RPL7: variants seen among roughly 807,000 people sequenced by gnomAD.
RPL7 encodes large ribosomal subunit protein uL30.
For synonymous variants in RPL7, 100 were observed against 102.2 expected, an observed-to-expected ratio of 0.98 and a Z score of 0.13; for missense variants, 205 against 301.9, an observed-to-expected ratio of 0.68 and a Z score of 2.38.
chr8:73,293,657 A>G (rs775979784), upstream of RPL7: 12 of 1,611,552 alleles, frequency 7.4e-6, no homozygotes, highest in Non-Finnish European at 9.3e-6. Context: ...CGTACTGTCC[A>G]CTTAAAGACT....
Position 73,291,182 on chromosome 8 carries a change from C to T in RPL7, c.609G>A (p.Glu203=). 1.2e-6 allele frequency: 2 copies of T among 1,609,232 alleles called. No individual in the cohort carries two copies. The highest frequency in any genetic ancestry group is 1.7e-6 in the Non-Finnish European group (2 of 1,175,788). The change falls in exon 6 of 7, where the codon GAG becomes GAA. Residue 203 remains glutamate, a synonymous_variant. Coordinates refer to ENST00000352983, the MANE Select transcript of RPL7 (RefSeq NM_000971.4). ...EIYTVGKRFK[E]ANNFLWPFKL... is the part of the protein sequence containing the mutation. ...TGAAGGGCCACAGGAAGTTATTTGCCTCTTTGAAGCGTTTTCCAACAGTAT... is the reference window on the plus strand; with the variant it reads ...TGAAGGGCCACAGGAAGTTATTTGCTTCTTTGAAGCGTTTTCCAACAGTAT...
At position 73,291,205 on chromosome 8, in the gene RPL7, T is replaced by C; in HGVS notation, c.586A>G (p.Thr196Ala). The change falls in exon 6 of 7, where the codon ACT (threonine) becomes GCT (alanine). Residue 196 changes from threonine to alanine, a missense_variant. Physicochemically the swap from Thr to Ala is moderately conservative, Grantham distance 58. Transcript: ENST00000352983. Reference protein sequence around the residue: ...CMEDLIHEIYTVGKRFKEANN... With the variant: ...CMEDLIHEIYAVGKRFKEANN... ...GCCTCTTTGAAGCGTTTTCCAACAG[T>C]ATAGATCTCATGAATCAAATCCTCC... The C allele has an allele frequency of 6.2e-7, 1 of 1,611,004 alleles. No homozygotes were observed. Among genetic ancestry groups the C allele is most frequent in the Non-Finnish European group, 8.5e-7 (1 of 1,177,546 alleles).
At chr8:73,292,529 T>A (rs550560733) in intron 2 of RPL7, 124 bp from the exon 3 acceptor site, 14 of 1,081,434 alleles carry the variant, frequency 1.3e-5, no homozygotes, top group Admixed American at 2.5e-5. Context: ...TGCAATTACA[T>A]CCCCCACCAA....
intron 1 of RPL7, 103 bp from the exon 2 acceptor site, chr8:73,292,900 CT>C: frequency 1.3e-6 from 1 of 778,810 alleles, no homozygotes; most frequent in Non-Finnish European, 2.1e-6. Context: ...CTGTCACTGA[CT>C]TTAGTCACTA....
intron 2 of RPL7, 79 bp downstream of exon 2, chr8:73,292,610 C>G: frequency 8.5e-7 from 1 of 1,178,988 alleles, no homozygotes. Flanking sequence ...GGAAGTAAAT[C>G]TTGCCAAGAA....
chr8:73,294,324 T>C (rs1227009317), upstream of RPL7: 1 of 152,810 alleles, frequency 6.5e-6, no homozygotes, highest in African/African-American at 2.4e-5. Flanking sequence ...TGGCCGGGGC[T>C]CTGCTGACTG....
intron 5 of RPL7, 102 bp downstream of exon 5, chr8:73,291,449 AG>A: frequency 2.1e-6 from 2 of 932,698 alleles, no homozygotes; most frequent in South Asian, 3.4e-5. Context: ...CAAGAATCAT[AG>A]GGAACACATG....
chr8:73,293,584 C>A lies in RPL7; in HGVS notation c.14+15G>T, dbSNP rs1323157737. The A allele has an allele frequency of 1.2e-6, 2 of 1,613,580 alleles. No homozygotes were observed. Among genetic ancestry groups the A allele is most frequent in the African/African-American group, 1.3e-5 (1 of 74,852 alleles). ...AGATGGAGAAGGATTCTCAAGAGGA[C>A]CAGAAGCAACTCACTCTACACCCTC... is the stretch of plus-strand genomic sequence containing the variant. On this transcript the variant is annotated intron_variant, in intron 1 of 6. Coordinates refer to ENST00000352983, the MANE Select transcript of RPL7 (RefSeq NM_000971.4).
chr8:73,293,401 G>A (rs572520840), intron 1 of RPL7, 198 bp downstream of exon 1: 33 of 594,430 alleles, frequency 5.6e-5, no homozygotes, highest in Middle Eastern at 4.6e-4. Context: ...TCGTTCCCGG[G>A]ATCTCCAAAA....
chr8:73,291,322 TTTGAATAGGC>T, intron 5 of RPL7, 70 bp from the exon 6 acceptor site: 2 of 1,253,934 alleles, frequency 1.6e-6, no homozygotes, highest in South Asian at 2.8e-5. Context: ...TCAAAATCTT[TTTGAATAGGC>T]TGTGAGATGA....
At chr8:73,293,383 C>A (rs956275082) in intron 1 of RPL7, 7 of 555,940 alleles carry the variant, frequency 1.3e-5, no homozygotes, top group African/African-American at 1.1e-4. Flanking sequence ...ACATTCCAAC[C>A]CGACATCTCG....
rs878919311 is a variant in RPL7, at chr8:73,292,099, T to G, written c.290+140A>C. Reference sequence around the variant, plus strand: ...GGAACATGGCTTGCAACTAAACCATTAGTGATCAGCACCCTCCTTGTTCTA... The same window carrying G: ...GGAACATGGCTTGCAACTAAACCATGAGTGATCAGCACCCTCCTTGTTCTA... On this transcript the variant is annotated intron_variant, in intron 3 of 6. Transcript: ENST00000352983. 3 of 1,075,972 alleles carry G rather than the reference T, an allele frequency of 2.8e-6. No individual in the cohort carries two copies. In the South Asian group the frequency reaches 4.8e-5, roughly 17 times the overall value. The allele number at this position is 1,075,972 out of a possible 1,614,324, so 66.7% of individuals were successfully genotyped here. A position where few individuals can be genotyped will look rare whatever the true frequency, so the allele number is the denominator to read the frequency against.
upstream of RPL7, chr8:73,293,791 G>T: frequency 1.5e-6 from 1 of 681,640 alleles, no homozygotes; most frequent in Non-Finnish European, 2.5e-6. Flanking sequence ...AAACTTTCGG[G>T]TAAAACTTGT....
At chr8:73,292,908 A>T in intron 1 of RPL7, 111 bp from the exon 2 acceptor site, 1 of 730,046 alleles carries the variant, frequency 1.4e-6, no homozygotes. Context: ...GACTTTAGTC[A>T]CTAGTAACTT....
chr8:73,292,159 G>C, intron 3 of RPL7, 80 bp downstream of exon 3: 1 of 1,369,410 alleles, frequency 7.3e-7, no homozygotes, highest in Non-Finnish European at 1.0e-6. Context: ...CGGTGTTTCA[G>C]AATCAGGGCT....
chr8:73,291,279 T>C (rs1814088351), intron 5 of RPL7, 27 bp from the exon 6 acceptor site: 3 of 1,558,312 alleles, frequency 1.9e-6, no homozygotes, highest in East Asian at 4.5e-5. Flanking sequence ...TATTTAAGAT[T>C]ATTAAAGTTG....
In RPL7 at chr8:73,290,559, C is replaced by T. The variant is rs1814073502; in HGVS notation, c.*148G>A. ...CTGTTGATTTGGCTTAATTTTATCA[C>T]ACACCACACTTGCCACAGTAGTTAA... On this transcript the variant is annotated 3_prime_UTR_variant, in exon 7 of 7. Coordinates refer to ENST00000352983, the MANE Select transcript of RPL7 (RefSeq NM_000971.4). 6.5e-6 allele frequency: 1 copy of T among 153,858 alleles called. No individual in the cohort carries two copies. Among genetic ancestry groups the T allele is most frequent in the African/African-American group, 2.4e-5 (1 of 41,578 alleles). The allele number at this position is 153,858 out of a possible 1,614,324, so 9.5% of individuals were successfully genotyped here.
At chr8:73,294,206 A>G (rs949177652), upstream of RPL7, 5 of 155,398 alleles carry the variant, frequency 3.2e-5, no homozygotes, top group African/African-American at 1.2e-4. Context: ...TCCAGCCCAC[A>G]GGGCTGTCTT....
At chr8:73,291,280 A>G in intron 5 of RPL7, 28 bp from the exon 6 acceptor site, 1 of 1,553,122 alleles carries the variant, frequency 6.4e-7, no homozygotes, top group Non-Finnish European at 8.8e-7. Flanking sequence ...ATTTAAGATT[A>G]TTAAAGTTGC....
Sources: gnomAD v4.1 joint callset for allele counts on GRCh38, gnomAD v4.1.1 for gene constraint, MANE v1.5 for transcripts, NCBI Gene and HGNC (gene_info 2026-07-23, HGNC 2026-07-21) for gene names.